Variants in SYCP2 observed in about 807,000 individuals in gnomAD.
SYCP2 encodes the protein synaptonemal complex protein 2.
A neutral mutation model predicts 211.3 loss-of-function variants in SYCP2; 55 were observed. The observed-to-expected ratio is 0.26, with a 90% CI of 0.21 to 0.33. The LOEUF is 0.33. SYCP2 is among the 10% of genes least tolerant of loss of function. SYCP2 has a pLI of 1.00. For missense variants in SYCP2, 1,731 were observed against 1,752.0 expected, an observed-to-expected ratio of 0.99 and a Z score of 0.21; for synonymous variants, 570 against 555.2, an observed-to-expected ratio of 1.03 and a Z score of -0.37.
intron 15 of SYCP2, among the ~76,000 whole-genome samples, chr20:59,902,173 AT>A (rs2060127567): frequency 6.6e-6 from 1 of 152,180 alleles, no homozygotes; most frequent in South Asian, 2.1e-4. Flanking sequence ...TTAATTCCAT[AT>A]AATTACCATA....
intron 43 of SYCP2, 35 bp from the exon 44 acceptor site, chr20:59,865,479 T>A (rs2145576742): frequency 1.3e-6 from 2 of 1,593,580 alleles, no homozygotes; most frequent in East Asian, 4.5e-5. Context: ...CCCATGAAAT[T>A]TACCATAAAG....
intron 2 of SYCP2, among the ~76,000 whole-genome samples, chr20:59,925,226 G>A (rs920977973): frequency 5.9e-5 from 9 of 152,010 alleles, no homozygotes; most frequent in African/African-American, 1.9e-4. Context: ...GGGGCAGCAG[G>A]AGGGAGAGCA....
At chr20:59,864,426 C>A in intron 44 of SYCP2, 38 bp from the exon 45 acceptor site, 1 of 1,387,328 alleles carries the variant, frequency 7.2e-7, no homozygotes, top group Non-Finnish European at 9.9e-7. Flanking sequence ...TTAGATTTCA[C>A]ATTTTCGCTG....
Position 59,897,159 on chromosome 20 carries a change from A to T in SYCP2, c.1405-631T>A, listed in dbSNP as rs552038954. Among the ~76,000 whole-genome samples the T allele has an allele frequency of 2.6e-5, 4 of 152,278 alleles. No individual in the cohort carries two copies. In the South Asian group the frequency reaches 8.3e-4, roughly 32 times the overall value. The stretch of plus-strand genomic sequence containing the variant: ...AGAGACAGGAGTTTCAGAGGATGCC[A>T]TATTAAGAAGTAGATGGTGACATAC... On this transcript the variant is annotated intron_variant, in intron 18 of 44. Transcript: ENST00000357552.
chr20:59,875,419 T>C lies in SYCP2; in HGVS notation c.3201A>G (p.Gln1067=). The change falls in exon 34 of 45, where the codon CAA becomes CAG. Residue 1067 remains glutamine (Q), a synonymous_variant. Transcript: ENST00000357552. Reference sequence around the variant, plus strand: ...CTGTTTCAGCACAGAAGACTTTCTGTTGTTTCTTTGGTAGCTTTACCGTTT... The same window carrying C: ...CTGTTTCAGCACAGAAGACTTTCTGCTGTTTCTTTGGTAGCTTTACCGTTT... The part of the protein sequence containing the change: ...RMKTVKLPKK[Q]QKVFCAETEK... The C allele has an allele frequency of 6.2e-7, 1 of 1,612,980 alleles. No individual in the cohort carries two copies. Among genetic ancestry groups the C allele is most frequent in the Non-Finnish European group, 8.5e-7 (1 of 1,179,432 alleles).
At position 59,868,431 on chromosome 20, in the gene SYCP2, C is replaced by T; in HGVS notation, c.3970G>A (p.Asp1324Asn). The T allele has an allele frequency of 1.2e-6, 2 of 1,610,430 alleles. No individual in the cohort carries two copies. Among genetic ancestry groups the T allele is most frequent in the Non-Finnish European group, 1.7e-6 (2 of 1,178,118 alleles). Residue 1324 changes from aspartate to asparagine, a missense_variant, in exon 38 of 45, where the codon GAT (aspartate) becomes AAT (asparagine). This residue lies in a region of SYCP2 where 1,387 missense variants were observed against 1,351.3 expected (regional missense o/e 1.03). Transcript: ENST00000357552. ...PKKLCKIEDADHHIHKMSESV... is the reference protein window; with the variant it reads ...PKKLCKIEDANHHIHKMSESV... ...TACCTACTTTTGTGGATATGATGAT[C>T]TGCATCTTCAATTTTACACAGTTTT... is the stretch of plus-strand genomic sequence containing the variant.
rs772176895 is a variant in SYCP2, at chr20:59,900,781, G to A, written c.1220C>T (p.Thr407Met). ...TGCGTCAAAAAGTATATGCAGCGAC[G>A]TTTTGGCAACTGAAATACCTTGTTT... The part of the protein sequence containing the change: ...IRKQGISVAK[T>M]SLHILFDASG... The change falls in exon 17 of 45, where the codon ACG (threonine) becomes ATG (methionine). Residue 407 changes from threonine (T) to methionine (M), a missense_variant. Physicochemically the swap from Thr to Met is moderately conservative, Grantham distance 81. Coordinates refer to ENST00000357552, the MANE Select transcript of SYCP2 (RefSeq NM_014258.4). 13 of 1,612,578 alleles carry A rather than the reference G, an allele frequency of 8.1e-6. No individual in the cohort carries two copies. Among genetic ancestry groups the A allele is most frequent in the South Asian group, 2.2e-5 (2 of 90,994 alleles).
chr20:59,875,476 G>A lies in SYCP2; in HGVS notation c.3151-7C>T, dbSNP rs1288713251. ...TGGAATGGATATTCTCCTCCTAAAT[G>A]TATCAATAACTTTCAAATTATACTC... On this transcript the variant is annotated splice_region_variant and splice_polypyrimidine_tract_variant and intron_variant, in intron 33 of 44. Coordinates refer to ENST00000357552, the MANE Select transcript of SYCP2 (RefSeq NM_014258.4). The A allele has an allele frequency of 1.1e-5, 18 of 1,597,748 alleles. No homozygotes were observed. The highest frequency in any genetic ancestry group is 3.4e-6 in the Non-Finnish European group (4 of 1,171,540).
Position 59,921,355 on chromosome 20 carries a change from T to A in SYCP2, c.123A>T (p.Lys41Asn), listed in dbSNP as rs1188307098. ...QIDICEDVKI[K>N]CSKQFFHKVD... is the part of the protein sequence containing the mutation. Reference sequence around the variant, plus strand: ...CCTTGTGGAAAAACTGTTTGCTGCATTTAATCTTCACATCTTCACAAATAT... The same window carrying A: ...CCTTGTGGAAAAACTGTTTGCTGCAATTAATCTTCACATCTTCACAAATAT... Residue 41 changes from lysine to asparagine, a missense_variant, in exon 4 of 45, where the codon AAA (lysine) becomes AAT (asparagine). Lys to Asn is a moderately conservative substitution (Grantham distance 94). Coordinates refer to ENST00000357552, the MANE Select transcript of SYCP2 (RefSeq NM_014258.4). 6.2e-7 allele frequency: 1 copy of A among 1,607,628 alleles called. No individual in the cohort carries two copies. Among genetic ancestry groups the A allele is most frequent in the Non-Finnish European group, 8.5e-7 (1 of 1,176,416 alleles).
rs201347709 is a variant in SYCP2, at chr20:59,869,983, G to A, written c.3556C>T (p.Pro1186Ser). ...CSPIPRPLFL[P>S]RHTPTKSNTI... is the part of the protein sequence containing the mutation. ...TTACTCTTAGTTGGAGTATGTCTGG[G>A]CTATGAATGAAGACATACAAAAACC... is the stretch of plus-strand genomic sequence containing the variant. The change falls in exon 36 of 45, where the codon CCC becomes TCC. Residue 1186 changes from proline to serine, a missense_variant and splice_region_variant. Around this residue, in one of 3 missense-constraint regions of SYCP2, gnomAD observed 1,387 missense variants for 1,351.3 expected, o/e 1.03. Transcript: ENST00000357552. 22 of 1,569,788 alleles carry A rather than the reference G, an allele frequency of 1.4e-5. No individual in the cohort carries two copies. In the African/African-American group the frequency reaches 3.0e-4, roughly 21 times the overall value.
Position 59,868,479 on chromosome 20 carries a change from T to C in SYCP2, c.3922A>G (p.Arg1308Gly). Residue 1308 changes from arginine (R) to glycine (G), a missense_variant, in exon 38 of 45, where the codon AGG becomes GGG. Coordinates refer to ENST00000357552, the MANE Select transcript of SYCP2 (RefSeq NM_014258.4). ...TTTTTGGGAAGCAAGTTTGCTCTCC[T>C]TTCTCCTTTCTCTTCCATTTCTACT... ...NEVEMEEKGE[R>G]RANLLPKKLC... 6.2e-7 allele frequency: 1 copy of C among 1,611,560 alleles called. No individual in the cohort carries two copies. The highest frequency in any genetic ancestry group is 1.1e-5 in the South Asian group (1 of 90,952).
In SYCP2 at chr20:59,900,831, C is replaced by CA; in HGVS notation, c.1183-14dup. ...TTCTGATAGATTCCTAAAATTAAATCAATTCACAGTGATGACATTTTCTTC... is the reference window on the plus strand; with the variant it reads ...TTCTGATAGATTCCTAAAATTAAATCAAATTCACAGTGATGACATTTTCTTC... On this transcript the variant is annotated splice_polypyrimidine_tract_variant and intron_variant, in intron 16 of 44. Transcript: ENST00000357552. 6.4e-7 allele frequency: 1 copy of CA among 1,557,292 alleles called. No individual in the cohort carries two copies. The highest frequency in any genetic ancestry group is 1.1e-5 in the South Asian group (1 of 89,524).
rs2060119001 is a variant in SYCP2, at chr20:59,901,704, G to A, written c.1140C>T (p.Ile380=). The stretch of plus-strand genomic sequence containing the variant: ...CAAAAATTTTTTGAGTTACATTAGT[G>A]ATTTCTAGTGATGCGTCAAAATACA... ...LLLYFDASLE[I]TNVTQKIFGA... Residue 380 remains isoleucine (I), a synonymous_variant, in exon 16 of 45, where the codon ATC becomes ATT. Coordinates refer to ENST00000357552, the MANE Select transcript of SYCP2 (RefSeq NM_014258.4). 4.4e-6 allele frequency: 7 copies of A among 1,599,348 alleles called. No homozygotes were observed. Among genetic ancestry groups the A allele is most frequent in the Non-Finnish European group, 6.0e-6 (7 of 1,172,344 alleles).
In SYCP2 at chr20:59,875,349, C is replaced by T. The variant is rs188331389; in HGVS notation, c.3271G>A (p.Asp1091Asn). The change falls in exon 34 of 45, where the codon GAT becomes AAT. Residue 1091 changes from aspartate to asparagine, a missense_variant. Asp to Asn is a conservative substitution (Grantham distance 23, BLOSUM62 1). Around this residue, in one of 3 missense-constraint regions of SYCP2, gnomAD observed 1,387 missense variants for 1,351.3 expected, o/e 1.03. Transcript: ENST00000357552. The stretch of plus-strand genomic sequence containing the variant: ...TCAAGGCAATTATCTCGTATAGCAT[C>T]TTTTAGTAGAGATGAGTTTTTCCAT... ...KQWKNSSLLK[D>N]AIRDNCLDLS... is the part of the protein sequence containing the mutation. 92 of 1,612,426 alleles carry T rather than the reference C, an allele frequency of 5.7e-5. No individual in the cohort carries two copies. In the Middle Eastern group the frequency reaches 8.3e-4, roughly 15 times the overall value.
chr20:59,873,440 C>T (rs751145156), intron 35 of SYCP2, among the ~76,000 whole-genome samples: 7 of 152,158 alleles, frequency 4.6e-5, no homozygotes, highest in Non-Finnish European at 8.8e-5. Flanking sequence ...GGTTGATTCA[C>T]GTCCCAGGAG....
At chr20:59,885,366 A>G (rs191462328) in intron 26 of SYCP2, among the ~76,000 whole-genome samples, 82 of 152,206 alleles carry the variant, frequency 5.4e-4, no homozygotes, top group African/African-American at 1.9e-3. Context: ...AACACATAAA[A>G]CCTATTGTAA....
intron 31 of SYCP2, among the ~76,000 whole-genome samples, chr20:59,879,652 A>G (rs1465471357): frequency 6.6e-6 from 1 of 151,448 alleles, no homozygotes; most frequent in East Asian, 1.9e-4. Flanking sequence ...TCACAGAGAA[A>G]GCAGAAGCCA....
chr20:59,902,675 T>C (rs2060137332), intron 15 of SYCP2, among the ~76,000 whole-genome samples: 1 of 152,130 alleles, frequency 6.6e-6, no homozygotes, highest in Non-Finnish European at 1.5e-5. Flanking sequence ...CTGATTCTTA[T>C]GAGGCCTGCC....
Position 59,877,990 on chromosome 20 carries a change from A to C in SYCP2, c.2979+18T>G. Reference sequence around the variant, plus strand: ...AATAATTTTAAAGGGATGTTTGAACACAAACTTCTTGGCTTACCATTTTAG... The same window carrying C: ...AATAATTTTAAAGGGATGTTTGAACCCAAACTTCTTGGCTTACCATTTTAG... On this transcript the variant is annotated intron_variant, in intron 32 of 44. Coordinates refer to ENST00000357552, the MANE Select transcript of SYCP2 (RefSeq NM_014258.4). 1 of 1,584,464 alleles carries C rather than the reference A, an allele frequency of 6.3e-7. No individual in the cohort carries two copies. Among genetic ancestry groups the C allele is most frequent in the East Asian group, 2.3e-5 (1 of 44,200 alleles).
Sources: allele counts gnomAD v4.1 joint callset (sites outside exome capture counted in the v4.1 genomes callset), GRCh38; gene constraint gnomAD v4.1.1; regional missense constraint gnomAD v4.1.1; transcripts MANE v1.5; gene names NCBI Gene and HGNC (gene_info 2026-07-23, HGNC 2026-07-21).